CMSS1: variants seen among roughly 807,000 people sequenced by gnomAD.
CMSS1 encodes the protein protein CMSS1.
A neutral mutation model predicts 43.5 loss-of-function variants in CMSS1; 33 were observed. The observed-to-expected ratio is 0.76, with a 90% CI of 0.57 to 1.01. CMSS1 has a LOEUF of 1.01. Ranked by LOEUF, CMSS1 falls within the 50% of genes least tolerant of loss-of-function variation. The pLI is 0.00. For synonymous variants in CMSS1, 115 were observed against 117.2 expected (o/e 0.98, Z 0.12); for missense variants, 313 against 326.4 (o/e 0.96, Z 0.32).
At chr3:100,151,074 T>C (rs954875762) in intron 2 of CMSS1, among the ~76,000 whole-genome samples, 4 of 152,212 alleles carry the variant, frequency 2.6e-5, no homozygotes, top group South Asian at 2.1e-4. Flanking sequence ...TCTACTGTTG[T>C]ATTTTCTTGC....
intron 1 of CMSS1, among the ~76,000 whole-genome samples, chr3:99,862,291 G>A (rs902269240): frequency 6.6e-6 from 1 of 152,182 alleles, no homozygotes; most frequent in African/African-American, 2.4e-5. Context: ...AGACAACACA[G>A]TGAGACAACG....
At chr3:100,055,418 G>A (rs562785381) in intron 1 of CMSS1, among the ~76,000 whole-genome samples, 1 of 152,172 alleles carries the variant, frequency 6.6e-6, no homozygotes, top group Non-Finnish European at 1.5e-5. Flanking sequence ...AAATTCCTAG[G>A]ACATGTTATC....
intron 1 of CMSS1, among the ~76,000 whole-genome samples, chr3:99,893,303 C>CT (rs1706148382): frequency 6.6e-6 from 1 of 151,588 alleles, no homozygotes; most frequent in South Asian, 2.1e-4. Flanking sequence ...GTAGCTGGGA[C>CT]TACAGGCGCC....
intron 1 of CMSS1, chr3:99,833,226 A>T: frequency 6.2e-7 from 1 of 1,611,314 alleles, no homozygotes; most frequent in Non-Finnish European, 8.5e-7. Context: ...AGTCTGAAGG[A>T]TGTTGAGTTC....
chr3:100,079,585 T>C (rs538256091), intron 1 of CMSS1, among the ~76,000 whole-genome samples: 4 of 152,370 alleles, frequency 2.6e-5, no homozygotes, highest in Non-Finnish European at 5.9e-5. Context: ...AGTGTCACTT[T>C]TGATTATTAA....
At chr3:99,824,549 A>G (rs567349471) in intron 1 of CMSS1, among the ~76,000 whole-genome samples, 6 of 152,348 alleles carry the variant, frequency 3.9e-5, no homozygotes, top group Admixed American at 3.3e-4. Context: ...TAGTTAACCA[A>G]TTAATTATTA....
chr3:100,002,179 A>G (rs753541632), intron 1 of CMSS1, among the ~76,000 whole-genome samples: 5 of 152,174 alleles, frequency 3.3e-5, no homozygotes, highest in Admixed American at 6.5e-5. Flanking sequence ...TTTGGAGCTG[A>G]TGGTGTTGTA....
intron 1 of CMSS1, among the ~76,000 whole-genome samples, chr3:100,002,768 G>C (rs1367546459): frequency 6.6e-6 from 1 of 152,138 alleles, no homozygotes; most frequent in East Asian, 1.9e-4. Context: ...AGTCCCTTAG[G>C]CCTTAGACCA....
At chr3:100,151,246 A>C (rs544121859) in intron 2 of CMSS1, among the ~76,000 whole-genome samples, 33 of 152,294 alleles carry the variant, frequency 2.2e-4, no homozygotes, top group Non-Finnish European at 3.8e-4. Flanking sequence ...CTGTGTATTA[A>C]TCTATTGTTT....
chr3:99,827,067 G>A (rs565910311), intron 1 of CMSS1, among the ~76,000 whole-genome samples: 1 of 152,250 alleles, frequency 6.6e-6, no homozygotes, highest in African/African-American at 2.4e-5. Flanking sequence ...AGACATTACT[G>A]TTTTGAACTC....
At chr3:100,112,302 G>A (rs2066505427) in intron 1 of CMSS1, among the ~76,000 whole-genome samples, 1 of 152,130 alleles carries the variant, frequency 6.6e-6, no homozygotes, top group African/African-American at 2.4e-5. Context: ...AATATGGACT[G>A]TAATCAGAAG....
intron 1 of CMSS1, among the ~76,000 whole-genome samples, chr3:100,030,882 A>G (rs571386183): frequency 1.3e-5 from 2 of 152,294 alleles, no homozygotes; most frequent in South Asian, 4.1e-4. Context: ...AATTTTCTTT[A>G]CTGTGCAACT....
At chr3:99,989,781 T>C (rs1319386735) in intron 1 of CMSS1, among the ~76,000 whole-genome samples, 1 of 151,834 alleles carries the variant, frequency 6.6e-6, no homozygotes, top group African/African-American at 2.4e-5. Context: ...ATATTAAAAG[T>C]TAGATATTGA....
Position 99,842,575 on chromosome 3 carries a change from GGAA to G in CMSS1, c.64+24539_64+24541del, listed in dbSNP as rs1356497256. Among the ~76,000 whole-genome samples the G allele has an allele frequency of 8.0e-5, 12 of 150,648 alleles. No homozygotes were observed. In the East Asian group the frequency reaches 2.1e-3, roughly 27 times the overall value. ...TACCAGGACCATTTGGCTATGAGGA[GGAA>G]GAAGAACTCACTAAAATAAGAAAAC... On this transcript the variant is annotated intron_variant, in intron 1 of 9. Coordinates refer to ENST00000421999, the MANE Select transcript of CMSS1 (RefSeq NM_032359.4).
At chr3:100,149,566 C>T (rs1024058456) in intron 2 of CMSS1, among the ~76,000 whole-genome samples, 2 of 152,174 alleles carry the variant, frequency 1.3e-5, no homozygotes, top group Non-Finnish European at 2.9e-5. Flanking sequence ...GAGTCCAAGT[C>T]CTAACCCCTT....
intron 4 of CMSS1, 68 bp downstream of exon 4, chr3:100,162,500 C>T: frequency 6.6e-7 from 1 of 1,514,782 alleles, no homozygotes. Flanking sequence ...GGTTAGGTGT[C>T]TCAGGCAGTC....
chr3:99,952,638 A>G (rs947284995), intron 1 of CMSS1, among the ~76,000 whole-genome samples: 1 of 152,178 alleles, frequency 6.6e-6, no homozygotes, highest in African/African-American at 2.4e-5. Flanking sequence ...ACACATACAC[A>G]CAGAGAGAAA....
chr3:99,849,614 T>C, intron 1 of CMSS1: 2 of 1,613,464 alleles, frequency 1.2e-6, no homozygotes, highest in Non-Finnish European at 1.7e-6. Context: ...TCTGCTAACT[T>C]GTACTTAGCA....
chr3:100,146,950 T>A, intron 1 of CMSS1, 23 bp from the exon 2 acceptor site: 1 of 1,609,476 alleles, frequency 6.2e-7, no homozygotes, highest in Non-Finnish European at 8.5e-7. Flanking sequence ...ACTTTTCTGA[T>A]TTTCAAACTT....
Sources: gnomAD v4.1 joint callset for allele counts (sites outside exome capture counted in the v4.1 genomes callset) on GRCh38, gnomAD v4.1.1 for gene constraint, MANE v1.5 for transcripts, NCBI Gene and HGNC (gene_info 2026-07-23, HGNC 2026-07-21) for gene names.